KCNMA1: variants seen among roughly 807,000 people sequenced by gnomAD.
The protein encoded by KCNMA1 is Calcium-activated potassium channel subunit alpha-1.
Under a neutral mutation model 140.0 loss-of-function variants are expected in KCNMA1, and 29 were observed. That is an observed-to-expected ratio of 0.21 (90% CI 0.15 to 0.28). The LOEUF (loss-of-function observed/expected upper bound fraction) is 0.28. KCNMA1 is among the 10% of genes least tolerant of loss of function. The pLI is 1.00. For synonymous variants in KCNMA1, 612 were observed against 611.9 expected (o/e 1.00, Z 0.00); for missense variants, 880 against 1,602.2 (o/e 0.55, Z 7.70).
intron 2 of KCNMA1, among the ~76,000 whole-genome samples, chr10:77,259,133 C>T (rs576279715): frequency 5.5e-4 from 83 of 152,096 alleles, no homozygotes; most frequent in African/African-American, 2.0e-3. Flanking sequence ...AGCACATGCA[C>T]AAAAATGCTG....
chr10:77,120,445 C>T (rs539690513), intron 6 of KCNMA1, among the ~76,000 whole-genome samples: 14 of 152,264 alleles, frequency 9.2e-5, no homozygotes, highest in African/African-American at 2.9e-4. Flanking sequence ...AAGGGCTATA[C>T]GGATATAAAG....
At chr10:76,887,626 G>T in intron 27 of KCNMA1, 111 bp from the exon 28 acceptor site, 1 of 1,217,992 alleles carries the variant, frequency 8.2e-7, no homozygotes, top group Non-Finnish European at 1.2e-6. Flanking sequence ...AGAGGATCTG[G>T]AAGATGCACT....
At chr10:77,474,438 G>A (rs536853100) in intron 1 of KCNMA1, among the ~76,000 whole-genome samples, 2 of 152,260 alleles carry the variant, frequency 1.3e-5, no homozygotes, top group African/African-American at 4.8e-5. Flanking sequence ...AAAACAAGGC[G>A]GCCATCTACA....
At chr10:77,305,247 T>A (rs190576197) in intron 2 of KCNMA1, among the ~76,000 whole-genome samples, 6 of 152,358 alleles carry the variant, frequency 3.9e-5, no homozygotes, top group Admixed American at 3.9e-4. Context: ...GTTTCCACTG[T>A]GTTCCCACTC....
intron 1 of KCNMA1, among the ~76,000 whole-genome samples, chr10:77,453,028 G>A (rs1022848153): frequency 2.0e-5 from 3 of 152,088 alleles, no homozygotes; most frequent in Non-Finnish European, 2.9e-5. Flanking sequence ...GACAGAACCT[G>A]GTGTAAAGGC....
chr10:77,235,376 G>T (rs2055062525), intron 3 of KCNMA1, among the ~76,000 whole-genome samples: 1 of 152,190 alleles, frequency 6.6e-6, no homozygotes, highest in Non-Finnish European at 1.5e-5. Flanking sequence ...TTAAATTGGA[G>T]CAGGGAGACA....
At chr10:77,384,601 C>T (rs1379804243) in intron 2 of KCNMA1, among the ~76,000 whole-genome samples, 1 of 152,192 alleles carries the variant, frequency 6.6e-6, no homozygotes, top group Non-Finnish European at 1.5e-5. Flanking sequence ...CCACTCTTGC[C>T]ACAGAGGGAA....
chr10:77,546,135 T>C (rs1440741855), intron 1 of KCNMA1, among the ~76,000 whole-genome samples: 1 of 152,132 alleles, frequency 6.6e-6, no homozygotes, highest in Non-Finnish European at 1.5e-5. Flanking sequence ...GACACTAAAA[T>C]TACATTTTCT....
At chr10:77,395,361 T>TA (rs993174768) in intron 2 of KCNMA1, among the ~76,000 whole-genome samples, 4 of 151,238 alleles carry the variant, frequency 2.6e-5, no homozygotes, top group African/African-American at 7.3e-5. Flanking sequence ...GAAAAAAAAA[T>TA]AAAAAAATGT....
At chr10:77,102,027 A>G (rs749515171) in intron 9 of KCNMA1, among the ~76,000 whole-genome samples, 8 of 152,214 alleles carry the variant, frequency 5.3e-5, no homozygotes, top group Non-Finnish European at 1.2e-4. Flanking sequence ...TAGGTGGCCA[A>G]ATAGTACGAT....
At chr10:77,522,468 C>G (rs552743822) in intron 1 of KCNMA1, among the ~76,000 whole-genome samples, 1 of 152,322 alleles carries the variant, frequency 6.6e-6, no homozygotes, top group South Asian at 2.1e-4. Flanking sequence ...AATTGAATAA[C>G]TGTCGGGAAC....
chr10:77,619,402 C>A (rs2090695922), intron 1 of KCNMA1, among the ~76,000 whole-genome samples: 1 of 152,040 alleles, frequency 6.6e-6, no homozygotes, highest in African/African-American at 2.4e-5. Context: ...TAGTGGCCAA[C>A]TTCCCTAAGA....
chr10:77,561,731 A>G (rs1273803989), intron 1 of KCNMA1, among the ~76,000 whole-genome samples: 1 of 152,184 alleles, frequency 6.6e-6, no homozygotes, highest in African/African-American at 2.4e-5. Flanking sequence ...CTGGAAACTG[A>G]GCCATTTTAG....
At chr10:77,513,545 T>C (rs1005309936) in intron 1 of KCNMA1, among the ~76,000 whole-genome samples, 2 of 152,094 alleles carry the variant, frequency 1.3e-5, no homozygotes, top group African/African-American at 2.4e-5. Context: ...AAGTGCTGCA[T>C]AAATGTAAGA....
At chr10:77,009,165 T>A (rs1400398287) in intron 18 of KCNMA1, among the ~76,000 whole-genome samples, 1 of 152,174 alleles carries the variant, frequency 6.6e-6, no homozygotes, top group Non-Finnish European at 1.5e-5. Context: ...AGCGAGGCCC[T>A]TGTTACACTG....
intron 1 of KCNMA1, among the ~76,000 whole-genome samples, chr10:77,483,701 T>C (rs2098428816): frequency 6.6e-6 from 1 of 152,180 alleles, no homozygotes. Flanking sequence ...GAGGGAGAAC[T>C]GTTTGCCCAT....
At chr10:77,048,450 C>A (rs1443486669) in intron 14 of KCNMA1, among the ~76,000 whole-genome samples, 2 of 152,134 alleles carry the variant, frequency 1.3e-5, no homozygotes, top group Non-Finnish European at 2.9e-5. Flanking sequence ...ACAGAAAGAA[C>A]TTGACAAAAC....
At chr10:77,082,475 A>G (rs2096603562) in intron 12 of KCNMA1, among the ~76,000 whole-genome samples, 2 of 152,084 alleles carry the variant, frequency 1.3e-5, no homozygotes, top group Admixed American at 6.5e-5. Flanking sequence ...GGTAGCCCCA[A>G]ACATCTCTGT....
chr10:77,014,881 G>A (rs549306960), intron 17 of KCNMA1, among the ~76,000 whole-genome samples: 3 of 152,184 alleles, frequency 2.0e-5, no homozygotes, highest in East Asian at 3.9e-4. Flanking sequence ...TGCTCACCTC[G>A]CAAAGCCCCT....
Sources: allele counts gnomAD v4.1 joint callset (sites outside exome capture counted in the v4.1 genomes callset), GRCh38; gene constraint gnomAD v4.1.1; transcripts MANE v1.5; gene names NCBI Gene and HGNC (gene_info 2026-07-23, HGNC 2026-07-21).